Variants in KIF13B observed in about 807,000 individuals in gnomAD.
The protein encoded by KIF13B is kinesin-like protein KIF13B.
KIF13B carries 127 observed loss-of-function variants against 222.0 expected under a neutral mutation model. The ratio of observed to expected loss-of-function variants is 0.57; its 90% CI spans 0.50 to 0.66. KIF13B has a LOEUF of 0.66. Ranked by LOEUF, KIF13B falls within the 30% of genes least tolerant of loss-of-function variation. The pLI, the probability that KIF13B is intolerant of heterozygous loss-of-function variation, is 0.00. For missense variants in KIF13B, 2,173 were observed against 2,379.0 expected, an observed-to-expected ratio of 0.91 and a Z score of 1.80; for synonymous variants, 976 against 919.0, an observed-to-expected ratio of 1.06 and a Z score of -1.12.
intron 36 of KIF13B, among the ~76,000 whole-genome samples, chr8:29,096,645 T>C (rs1341148631): frequency 1.3e-5 from 2 of 151,964 alleles, no homozygotes; most frequent in Admixed American, 6.6e-5. Flanking sequence ...AATACCTATA[T>C]ATGTAGAAGA....
chr8:29,225,333 T>A (rs1814972945), intron 2 of KIF13B, among the ~76,000 whole-genome samples: 1 of 152,188 alleles, frequency 6.6e-6, no homozygotes, highest in African/African-American at 2.4e-5. Flanking sequence ...ATTTTACAGA[T>A]GGAGAAATAG....
chr8:29,146,287 G>A, intron 18 of KIF13B, 91 bp downstream of exon 18: 1 of 1,344,936 alleles, frequency 7.4e-7, no homozygotes. Context: ...GGCAGGCACA[G>A]ACAGGGATCT....
At chr8:29,144,445 A>C (rs948662927) in intron 18 of KIF13B, among the ~76,000 whole-genome samples, 1 of 151,914 alleles carries the variant, frequency 6.6e-6, no homozygotes, top group East Asian at 1.9e-4. Context: ...TTTAATAGAG[A>C]TGGGGTTTCA....
At chr8:29,170,261 G>C (rs1812180919) in intron 10 of KIF13B, among the ~76,000 whole-genome samples, 1 of 152,228 alleles carries the variant, frequency 6.6e-6, no homozygotes, top group Non-Finnish European at 1.5e-5. Flanking sequence ...AAAGCTGAAA[G>C]AACTCTGTGA....
intron 24 of KIF13B, among the ~76,000 whole-genome samples, chr8:29,129,273 T>TGG (rs1350692213): frequency 5.9e-5 from 9 of 152,190 alleles, no homozygotes; most frequent in Non-Finnish European, 1.3e-4. Context: ...AGTCTTGCCT[T>TGG]CCAGTAGATG....
intron 37 of KIF13B, among the ~76,000 whole-genome samples, chr8:29,091,746 G>T (rs148607250): frequency 1.3e-5 from 2 of 152,280 alleles, no homozygotes; most frequent in Admixed American, 1.3e-4. Flanking sequence ...ACAGGACTTG[G>T]CTCCTGCAGT....
chr8:29,133,314 T>A (rs558022193), intron 22 of KIF13B, among the ~76,000 whole-genome samples: 2 of 152,164 alleles, frequency 1.3e-5, no homozygotes, highest in Non-Finnish European at 1.5e-5. Context: ...GTTGGCTGGG[T>A]GTGGTGGCTC....
At chr8:29,203,477 A>G (rs1813789478) in intron 2 of KIF13B, among the ~76,000 whole-genome samples, 1 of 152,214 alleles carries the variant, frequency 6.6e-6, no homozygotes, top group Admixed American at 6.5e-5. Context: ...TATTATGGGG[A>G]AAATAAAACC....
At chr8:29,259,420 G>T (rs914702685) in intron 1 of KIF13B, among the ~76,000 whole-genome samples, 2 of 152,098 alleles carry the variant, frequency 1.3e-5, no homozygotes, top group Non-Finnish European at 2.9e-5. Flanking sequence ...CTTAGGCTAG[G>T]TAGGTAACAA....
intron 2 of KIF13B, among the ~76,000 whole-genome samples, chr8:29,228,472 A>AAAAAAAAAAAAAATATATATAT: frequency 2.1e-4 from 24 of 117,070 alleles, no homozygotes; most frequent in African/African-American, 4.9e-4. Flanking sequence ...ATCTTAAAAA[A>AAAAAAAAAAAAAATATATATAT]ATATATATAT....
intron 37 of KIF13B, among the ~76,000 whole-genome samples, chr8:29,089,146 A>G (rs1808176808): frequency 6.6e-6 from 1 of 152,186 alleles, no homozygotes; most frequent in African/African-American, 2.4e-5. Flanking sequence ...CCCACAATCT[A>G]ATATTACAGT....
chr8:29,209,748 G>C (rs932908117), intron 2 of KIF13B, among the ~76,000 whole-genome samples: 2 of 152,022 alleles, frequency 1.3e-5, no homozygotes, highest in Non-Finnish European at 2.9e-5. Context: ...AAAGATAGAG[G>C]GTGATCACTT....
chr8:29,126,469 G>A lies in KIF13B; in HGVS notation c.3252+13C>T. The A allele has an allele frequency of 2.6e-6, 4 of 1,513,300 alleles. No individual in the cohort carries two copies. The highest frequency in any genetic ancestry group is 3.6e-6 in the Non-Finnish European group (4 of 1,097,924). 93.7% of individuals were successfully genotyped at this position (1,513,300 alleles called of 1,614,324 possible). On this transcript the variant is annotated intron_variant, in intron 26 of 39. Transcript: ENST00000524189. ...ATGCTTATTTGAGATGAGATTAACA[G>A]GTGCTAAATTACCTGGTAGCTGTCC...
intron 13 of KIF13B, among the ~76,000 whole-genome samples, chr8:29,159,184 T>C (rs1244266410): frequency 6.6e-6 from 1 of 152,138 alleles, no homozygotes; most frequent in East Asian, 1.9e-4. Context: ...AGAGTCTTGC[T>C]CTGTTGCCCA....
At position 29,233,797 on chromosome 8, in the gene KIF13B, T is replaced by G. The variant is rs1294115208; in HGVS notation, c.149+11549A>C. Among the ~76,000 whole-genome samples, 3 of 152,176 alleles carry G rather than the reference T, an allele frequency of 2.0e-5. No individual in the cohort carries two copies. The East Asian group carries it at 5.8e-4, about 29-fold the overall frequency. On this transcript the variant is annotated intron_variant, in intron 2 of 39. Transcript: ENST00000524189. Reference sequence around the variant, plus strand: ...TGAGCCCAGGAGTTCAAGACTATAATGAGCTATGATCACATCACTGCACTC... The same window carrying G: ...TGAGCCCAGGAGTTCAAGACTATAAGGAGCTATGATCACATCACTGCACTC...
upstream of KIF13B, chr8:29,263,194 G>C: frequency 1.6e-6 from 1 of 618,942 alleles, no homozygotes; most frequent in Non-Finnish European, 2.7e-6. Flanking sequence ...GCTGTATGGC[G>C]GGACTTGTAG....
At chr8:29,125,644 A>T (rs920332727) in intron 26 of KIF13B, among the ~76,000 whole-genome samples, 1 of 152,188 alleles carries the variant, frequency 6.6e-6, no homozygotes, top group East Asian at 1.9e-4. Context: ...CGGATGACAT[A>T]ATCAGGCTCC....
rs1268106602 is a variant in KIF13B, at chr8:29,123,505, G to A, written c.3353-13C>T. Reference sequence around the variant, plus strand: ...TCCTCTGTTTTATCTAGAACATCGAGAATGAGGATTCAATGACAAAACTTC... The same window carrying A: ...TCCTCTGTTTTATCTAGAACATCGAAAATGAGGATTCAATGACAAAACTTC... On this transcript the variant is annotated splice_polypyrimidine_tract_variant and intron_variant, in intron 27 of 39. Coordinates refer to ENST00000524189, the MANE Select transcript of KIF13B (RefSeq NM_015254.4). The A allele has an allele frequency of 6.2e-7, 1 of 1,613,498 alleles. No individual in the cohort carries two copies.
At chr8:29,139,919 T>C (rs959409148) in intron 21 of KIF13B, 144 bp downstream of exon 21, 1 of 731,112 alleles carries the variant, frequency 1.4e-6, no homozygotes, top group South Asian at 1.9e-5. Context: ...AGGAACATAA[T>C]ACTTACCATC....
Sources: gnomAD v4.1 joint callset for allele counts (sites outside exome capture counted in the v4.1 genomes callset) on GRCh38, gnomAD v4.1.1 for gene constraint, MANE v1.5 for transcripts, NCBI Gene and HGNC (gene_info 2026-07-23, HGNC 2026-07-21) for gene names.